SSC5D: variants seen among roughly 807,000 people sequenced by gnomAD.
SSC5D encodes the protein scavenger receptor cysteine rich family member with 5 domains, also known as soluble scavenger receptor cysteine-rich domain-containing protein SSC5D.
In SSC5D, 106 loss-of-function variants were observed where a neutral mutation model predicts 104.6. The ratio of observed to expected loss-of-function variants is 1.01; its 90% CI spans 0.87 to 1.19. The LOEUF (loss-of-function observed/expected upper bound fraction) is 1.19. SSC5D is among the 50% of genes most tolerant of loss of function. SSC5D has a pLI of 0.00. For missense variants in SSC5D, 1,993 were observed against 2,153.8 expected (o/e 0.93, Z 1.48); for synonymous variants, 860 against 883.5 (o/e 0.97, Z 0.47).
At position 55,493,726 on chromosome 19, in the gene SSC5D, C is replaced by A. The variant is rs917048803; in HGVS notation, c.1027C>A (p.Arg343=). The change falls in exon 7 of 14, where the codon CGA becomes AGA. Residue 343 remains arginine, a synonymous_variant. Transcript: ENST00000389623. ...WDLRDAAVAC[R]ELGCGGALAA... ...CCTGCGAGACGCCGCTGTGGCCTGC[C>A]GAGAGCTGGGCTGCGGAGGGGCGCT... 3.3e-6 allele frequency: 5 copies of A among 1,520,318 alleles called. No individual in the cohort carries two copies. In the African/African-American group the frequency reaches 5.6e-5, roughly 17 times the overall value. The allele number at this position is 1,520,318 out of a possible 1,614,324, so 94.2% of individuals were successfully genotyped here.
intron 5 of SSC5D, 105 bp from the exon 6 acceptor site, chr19:55,490,664 TCTC>T (rs918901345): frequency 7.7e-7 from 1 of 1,297,566 alleles, no homozygotes; most frequent in African/African-American, 1.5e-5. Flanking sequence ...GGCGGACAGA[TCTC>T]AGGCCACCGC....
Position 55,501,140 on chromosome 19 carries a change from C to T in SSC5D, c.2724C>T (p.Pro908=). The change falls in exon 12 of 14, where the codon CCC becomes CCT. Residue 908 remains proline (P), a synonymous_variant. Coordinates refer to ENST00000389623, the MANE Select transcript of SSC5D (RefSeq NM_001144950.2). The stretch of plus-strand genomic sequence containing the variant: ...CGGGGGTACCTGGACACACTCTCCC[C>T]TGGAGGACCACCCGGCGCCCGGGTA... ...TTAGVPGHTL[P]WRTTRRPGSS... The T allele has an allele frequency of 6.5e-7, 1 of 1,550,338 alleles. No homozygotes were observed. Among genetic ancestry groups the T allele is most frequent in the Non-Finnish European group, 8.7e-7 (1 of 1,146,416 alleles).
In SSC5D at chr19:55,518,175, A is replaced by G. The variant is rs756798898; in HGVS notation, c.3899A>G (p.His1300Arg). 1.6e-5 allele frequency: 18 copies of G among 1,114,142 alleles called. 1 individual carries two copies. In the South Asian group the frequency reaches 3.0e-4, roughly 19 times the overall value. 69.0% of individuals were successfully genotyped at this position (1,114,142 alleles called of 1,614,324 possible). A position where few individuals can be genotyped will look rare whatever the true frequency, so the allele number is the denominator to read the frequency against. ...TTTPHPTTTP[H>R]PTMTPDPTTT... ...ACCCCTCACCCCACCACAACCCCTC[A>G]CCCCACCATGACTCCTGACCCCACC... is the stretch of plus-strand genomic sequence containing the variant. Residue 1300 changes from histidine to arginine, a missense_variant, in exon 14 of 14, where the codon CAC becomes CGC. His to Arg is a conservative substitution (Grantham distance 29, BLOSUM62 0). Around this residue, in one of 6 missense-constraint regions of SSC5D, gnomAD observed 349 missense variants for 397.6 expected, o/e 0.88. Coordinates refer to ENST00000389623, the MANE Select transcript of SSC5D (RefSeq NM_001144950.2).
chr19:55,489,072 C>CGG, intron 2 of SSC5D, 40 bp downstream of exon 2: 2 of 1,061,866 alleles, frequency 1.9e-6, no homozygotes, highest in Non-Finnish European at 2.6e-6. Flanking sequence ...GCCCCCCCCC[C>CGG]CAGGCCTCCC....
chr19:55,506,540 G>A (rs147816113), intron 12 of SSC5D, among the ~76,000 whole-genome samples: 2,475 of 151,712 alleles, frequency 0.016, 31 homozygotes, highest in Middle Eastern at 0.1. Context: ...GACTACAGGC[G>A]CCCACCACTA....
At chr19:55,490,159 C>A (rs1987095751) in intron 4 of SSC5D, 139 bp from the exon 5 acceptor site, 1 of 611,138 alleles carries the variant, frequency 1.6e-6, no homozygotes, top group African/African-American at 1.8e-5. Flanking sequence ...ACACAGCCCG[C>A]CCCCTGCCCC....
At chr19:55,491,591 G>T (rs1373803944) in intron 6 of SSC5D, 1 of 158,554 alleles carries the variant, frequency 6.3e-6, no homozygotes, top group Non-Finnish European at 1.4e-5. Context: ...GCAGGGTGGG[G>T]ACACCCACGG....
intron 12 of SSC5D, among the ~76,000 whole-genome samples, chr19:55,506,020 A>G (rs1987628135): frequency 6.6e-6 from 1 of 151,876 alleles, no homozygotes; most frequent in South Asian, 2.1e-4. Context: ...TACAGGCGTG[A>G]GCCACGGCAC....
At chr19:55,489,196 C>A in intron 2 of SSC5D, 158 bp from the exon 3 acceptor site, 1 of 1,020,090 alleles carries the variant, frequency 9.8e-7, no homozygotes, top group Non-Finnish European at 1.4e-6. Context: ...CTGGCCGCAT[C>A]TCTCTGAGCA....
Position 55,491,094 on chromosome 19 carries a change from G to A in SSC5D, c.895+14G>A, listed in dbSNP as rs769942156. The A allele has an allele frequency of 6.5e-6, 10 of 1,542,834 alleles. No homozygotes were observed. The South Asian group carries it at 1.2e-4, about 19-fold the overall frequency. On this transcript the variant is annotated intron_variant, in intron 6 of 13. Coordinates refer to ENST00000389623, the MANE Select transcript of SSC5D (RefSeq NM_001144950.2). Reference sequence around the variant, plus strand: ...TGGTCTGCACCGGTACGTCGGGCTGGGGCCTGGCCCCCTCCTGTCTTCCTC... The same window carrying A: ...TGGTCTGCACCGGTACGTCGGGCTGAGGCCTGGCCCCCTCCTGTCTTCCTC...
chr19:55,517,285 G>T lies in SSC5D; in HGVS notation c.3009G>T (p.Ala1003=), dbSNP rs552889871. 25 of 1,547,558 alleles carry T rather than the reference G, an allele frequency of 1.6e-5. No individual in the cohort carries two copies. In the South Asian group the frequency reaches 2.4e-4, roughly 15 times the overall value. The change falls in exon 14 of 14, where the codon GCG becomes GCT. Residue 1003 remains alanine (A), a synonymous_variant. Coordinates refer to ENST00000389623, the MANE Select transcript of SSC5D (RefSeq NM_001144950.2). Reference sequence around the variant, plus strand: ...CGCGGCCCGCTGCGACCAGGACAGCGCCCCCAACCCCGTCCCCAGGTCCCT... The same window carrying T: ...CGCGGCCCGCTGCGACCAGGACAGCTCCCCCAACCCCGTCCCCAGGTCCCT... ...RPPRPAATRT[A]PPTPSPGPSA... is the part of the protein sequence containing the mutation.
At position 55,518,552 on chromosome 19, in the gene SSC5D, C is replaced by T. The variant is rs1291743629; in HGVS notation, c.4276C>T (p.His1426Tyr). The T allele has an allele frequency of 9.0e-6, 14 of 1,547,498 alleles. No individual in the cohort carries two copies. The highest frequency in any genetic ancestry group is 1.2e-5 in the Non-Finnish European group (14 of 1,145,824). ...QSPNLTPPPT[H>Y]TPHSASDLTV... is the part of the protein sequence containing the mutation. The stretch of plus-strand genomic sequence containing the variant: ...CCCCAACCTAACCCCTCCACCCACC[C>T]ATACCCCACACTCAGCCTCTGACCT... Residue 1426 changes from histidine to tyrosine, a missense_variant, in exon 14 of 14, where the codon CAT becomes TAT. By Grantham distance (83) the His-to-Tyr change is moderately conservative (BLOSUM62 2). Around this residue, in one of 6 missense-constraint regions of SSC5D, gnomAD observed 349 missense variants for 397.6 expected, o/e 0.88. Transcript: ENST00000389623.
chr19:55,490,132 A>G (rs1312360647), intron 4 of SSC5D, 137 bp downstream of exon 4: 1 of 620,194 alleles, frequency 1.6e-6, no homozygotes, highest in African/African-American at 1.9e-5. Context: ...CCTCTGCAGT[A>G]TGAACTCCCA....
chr19:55,489,155 C>T (rs1987053297), intron 2 of SSC5D, 123 bp downstream of exon 2: 3 of 958,690 alleles, frequency 3.1e-6, no homozygotes, highest in African/African-American at 3.5e-5. Flanking sequence ...GTGACCTTGG[C>T]CCCAGCTCCG....
At chr19:55,509,858 A>T (rs1225895022) in intron 12 of SSC5D, among the ~76,000 whole-genome samples, 30 of 81,572 alleles carry the variant, frequency 3.7e-4, no homozygotes, top group African/African-American at 1.5e-3. Flanking sequence ...CTCAAAAAAA[A>T]AAAAAAAAAA....
At chr19:55,502,997 G>C (rs1247030048) in intron 12 of SSC5D, among the ~76,000 whole-genome samples, 2 of 152,114 alleles carry the variant, frequency 1.3e-5, no homozygotes, top group African/African-American at 4.8e-5. Context: ...TGTATTTTTA[G>C]TAGAGACGGG....
intron 12 of SSC5D, chr19:55,504,408 G>GAGGC: frequency 3.3e-6 from 4 of 1,197,146 alleles, no homozygotes; most frequent in Non-Finnish European, 4.3e-6. Context: ...AGTGGGAGAC[G>GAGGC]AGGCAGGCAT....
chr19:55,493,756 G>A lies in SSC5D; in HGVS notation c.1057G>A (p.Ala353Thr), dbSNP rs1469403743. 2 of 1,526,606 alleles carry A rather than the reference G, an allele frequency of 1.3e-6. No individual in the cohort carries two copies. Among genetic ancestry groups the A allele is most frequent in the Non-Finnish European group, 1.8e-6 (2 of 1,138,258 alleles). The allele number at this position is 1,526,606 out of a possible 1,614,324, so 94.6% of individuals were successfully genotyped here. A position where few individuals can be genotyped will look rare whatever the true frequency, so the allele number is the denominator to read the frequency against. Reference sequence around the variant, plus strand: ...GCTGGGCTGCGGAGGGGCGCTGGCCGCCCCCGGGGGCGCCTTCTTTGGGGA... The same window carrying A: ...GCTGGGCTGCGGAGGGGCGCTGGCCACCCCCGGGGGCGCCTTCTTTGGGGA... ...RELGCGGALA[A>T]PGGAFFGEGS... The change falls in exon 7 of 14, where the codon GCC becomes ACC. Residue 353 changes from alanine to threonine, a missense_variant. Ala to Thr is a moderately conservative substitution (Grantham distance 58). Transcript: ENST00000389623.
intron 6 of SSC5D, chr19:55,491,684 C>T (rs969971251): frequency 6.5e-6 from 1 of 153,346 alleles, no homozygotes; most frequent in African/African-American, 2.4e-5. Context: ...CCTCCCCTCT[C>T]CTGTACCCCT....
Sources: allele counts gnomAD v4.1 joint callset (sites outside exome capture counted in the v4.1 genomes callset), GRCh38; gene constraint gnomAD v4.1.1; regional missense constraint gnomAD v4.1.1; transcripts MANE v1.5; gene names NCBI Gene and HGNC (gene_info 2026-07-23, HGNC 2026-07-21).